Variants in ABCC4 observed in about 807,000 individuals in gnomAD.
ABCC4 encodes the protein ATP-binding cassette sub-family C member 4.
Under a neutral mutation model 168.5 loss-of-function variants are expected in ABCC4, and 102 were observed. That is an observed-to-expected ratio of 0.61 (90% CI 0.52 to 0.71). The LOEUF is 0.71. ABCC4 is among the 30% of genes least tolerant of loss of function. The pLI, the probability that ABCC4 is intolerant of heterozygous loss-of-function variation, is 0.00. For missense variants in ABCC4, 1,402 were observed against 1,605.8 expected, an observed-to-expected ratio of 0.87 and a Z score of 2.17; for synonymous variants, 617 against 590.7, an observed-to-expected ratio of 1.04 and a Z score of -0.65.
chr13:95,054,021 C>CTTTTTTTTTTTTTTTTTT lies in ABCC4; in HGVS notation c.3367-855_3367-838dup, dbSNP rs55980425. On this transcript the variant is annotated intron_variant, in intron 26 of 30. Coordinates refer to ENST00000645237, the MANE Select transcript of ABCC4 (RefSeq NM_005845.5). The stretch of plus-strand genomic sequence containing the variant: ...CTCTCCAATGTCAGAATGGGACATC[C>CTTTTTTTTTTTTTTTTTT]TTTTTTTTTTTTTTTTTTTTTTTTT... 11 of 71,636 alleles carry CTTTTTTTTTTTTTTTTTT rather than the reference C, an allele frequency of 1.5e-4. 1 individual carries two copies. The highest frequency in any genetic ancestry group is 8.0e-4 in the African/African-American group (11 of 13,778). The allele number at this position is 71,636 out of a possible 1,614,324, so 4.4% of individuals were successfully genotyped here.
intron 20 of ABCC4, chr13:95,096,326 C>T: frequency 2.4e-6 from 1 of 424,182 alleles, no homozygotes; most frequent in Non-Finnish European, 4.2e-6. Flanking sequence ...ATGCAACACC[C>T]TAGATCTTGG....
Position 95,206,518 on chromosome 13 carries a change from C to T in ABCC4, c.1161+14G>A. ...AAATGCACCTACAACTTTAAAATGG[C>T]ATCTGACACCAACCTGGATTCTTCG... On this transcript the variant is annotated intron_variant, in intron 8 of 30. Coordinates refer to ENST00000645237, the MANE Select transcript of ABCC4 (RefSeq NM_005845.5). The T allele has an allele frequency of 8.1e-6, 13 of 1,608,872 alleles. No homozygotes were observed. Among genetic ancestry groups the T allele is most frequent in the Non-Finnish European group, 1.1e-5 (13 of 1,175,518 alleles).
At chr13:95,030,363 T>G (rs1344341354) in intron 30 of ABCC4, among the ~76,000 whole-genome samples, 1 of 152,034 alleles carries the variant, frequency 6.6e-6, no homozygotes, top group East Asian at 1.9e-4. Flanking sequence ...ATTTCATGAG[T>G]GCATAAAATG....
chr13:95,189,517 C>A lies in ABCC4; in HGVS notation c.1264-975G>T, dbSNP rs1187656920. On this transcript the variant is annotated intron_variant, in intron 9 of 30. Transcript: ENST00000645237. Reference sequence around the variant, plus strand: ...TAATATTCTATTTCATTAACCTCCACAAGGTGGCAGCATGAGTACATGGCA... The same window carrying A: ...TAATATTCTATTTCATTAACCTCCAAAAGGTGGCAGCATGAGTACATGGCA... Among the ~76,000 whole-genome samples, 4 of 152,170 alleles carry A rather than the reference C, an allele frequency of 2.6e-5. No homozygotes were observed. The East Asian group carries it at 7.7e-4, about 29-fold the overall frequency.
chr13:95,203,858 T>C (rs2038703197), intron 8 of ABCC4, among the ~76,000 whole-genome samples: 1 of 152,160 alleles, frequency 6.6e-6, no homozygotes. Context: ...TCTGGGAATA[T>C]TCAACTCGAG....
intron 19 of ABCC4, among the ~76,000 whole-genome samples, chr13:95,146,552 A>G (rs537766562): frequency 1.3e-5 from 2 of 152,318 alleles, no homozygotes; most frequent in Middle Eastern, 6.8e-3. Flanking sequence ...CTGATTAATG[A>G]TTTATGGCAA....
In ABCC4 at chr13:95,074,177, A is replaced by T. The variant is rs986977421; in HGVS notation, c.2917+37T>A. On this transcript the variant is annotated intron_variant, in intron 23 of 30. Coordinates refer to ENST00000645237, the MANE Select transcript of ABCC4 (RefSeq NM_005845.5). ...AAATGTAAACACAGCTATAAATTGT[A>T]ATCATACCATACATAGTTATTCACA... The T allele has an allele frequency of 4.7e-6, 7 of 1,475,032 alleles. No individual in the cohort carries two copies. The Admixed American group carries it at 9.2e-5, about 19-fold the overall frequency. 91.4% of individuals were successfully genotyped at this position (1,475,032 alleles called of 1,614,324 possible).
At chr13:95,215,822 G>A (rs997190370) in intron 4 of ABCC4, among the ~76,000 whole-genome samples, 1 of 152,194 alleles carries the variant, frequency 6.6e-6, no homozygotes, top group African/African-American at 2.4e-5. Flanking sequence ...GCTAAAGCAA[G>A]TCTTAGAGTA....
chr13:95,299,379 C>T (rs941260055), intron 1 of ABCC4, among the ~76,000 whole-genome samples: 5 of 152,030 alleles, frequency 3.3e-5, no homozygotes, highest in African/African-American at 1.2e-4. Context: ...CTCCACGTGC[C>T]CCTCTCCTTA....
intron 11 of ABCC4, among the ~76,000 whole-genome samples, chr13:95,186,379 T>A (rs1025626320): frequency 1.3e-4 from 20 of 152,254 alleles, no homozygotes; most frequent in Admixed American, 1.3e-3. Context: ...GAGCAATGGG[T>A]ACAGGCAGGT....
chr13:95,266,803 T>C (rs1165798043), intron 1 of ABCC4, among the ~76,000 whole-genome samples: 1 of 151,194 alleles, frequency 6.6e-6, no homozygotes, highest in Admixed American at 6.6e-5. Flanking sequence ...CTGATATGGT[T>C]TGGTTGTGTC....
chr13:95,094,223 G>A (rs2034520869), intron 20 of ABCC4, among the ~76,000 whole-genome samples: 1 of 151,902 alleles, frequency 6.6e-6, no homozygotes, highest in Non-Finnish European at 1.5e-5. Context: ...CAGAGCCAAA[G>A]CAAGACTAAT....
At chr13:95,279,047 AC>A (rs1229689561) in intron 1 of ABCC4, among the ~76,000 whole-genome samples, 1 of 152,124 alleles carries the variant, frequency 6.6e-6, no homozygotes, top group African/African-American at 2.4e-5. Flanking sequence ...AAGAACACAA[AC>A]CCTTTTCCCT....
intron 1 of ABCC4, among the ~76,000 whole-genome samples, chr13:95,293,164 C>A (rs945104359): frequency 1.3e-5 from 2 of 152,008 alleles, no homozygotes; most frequent in Admixed American, 1.3e-4. Context: ...AGATCTCCAT[C>A]TTGGCCAACA....
At chr13:95,026,880 C>A (rs2031573672) in intron 30 of ABCC4, among the ~76,000 whole-genome samples, 1 of 106,806 alleles carries the variant, frequency 9.4e-6, no homozygotes, top group East Asian at 3.1e-4. Flanking sequence ...CAGAGCAAGA[C>A]CCTGTCTCAA....
intron 13 of ABCC4, among the ~76,000 whole-genome samples, chr13:95,174,466 C>T (rs2037594738): frequency 6.6e-6 from 1 of 152,216 alleles, no homozygotes; most frequent in Admixed American, 6.5e-5. Context: ...TTCGTGCTCC[C>T]TGCCCTAAGT....
At chr13:95,292,495 G>T (rs1445219380) in intron 1 of ABCC4, among the ~76,000 whole-genome samples, 1 of 152,170 alleles carries the variant, frequency 6.6e-6, no homozygotes, top group Non-Finnish European at 1.5e-5. Flanking sequence ...ACCTATTTTG[G>T]TTCTAGGAGC....
chr13:95,081,724 G>A (rs934285251), intron 21 of ABCC4, among the ~76,000 whole-genome samples: 2 of 152,290 alleles, frequency 1.3e-5, no homozygotes, highest in African/African-American at 4.8e-5. Flanking sequence ...CTGTTGGCCA[G>A]GTGCAGCAGT....
At position 95,071,230 on chromosome 13, in the gene ABCC4, T is replaced by A. The variant is rs191999346; in HGVS notation, c.3210+432A>T. 2.5e-3 allele frequency among the ~76,000 whole-genome samples: 373 copies of A among 152,230 alleles called. 2 individuals carry two copies. The highest frequency in any genetic ancestry group is 5.2e-3 in the Admixed American group (79 of 15,300). On this transcript the variant is annotated intron_variant, in intron 25 of 30. Transcript: ENST00000645237. ...TTGCCTAGTCTTGGGTATACCTTTA[T>A]CAGCAGTGTGAAAACAGACTAATAC...
Sources: allele counts gnomAD v4.1 joint callset (sites outside exome capture counted in the v4.1 genomes callset), GRCh38; gene constraint gnomAD v4.1.1; transcripts MANE v1.5; gene names NCBI Gene and HGNC (gene_info 2026-07-23, HGNC 2026-07-21).